The following TXNDC11 variants were observed in gnomAD, a reference collection of about 807,000 sequenced individuals.
TXNDC11 encodes thioredoxin domain containing 11, also known as thioredoxin domain-containing protein 11.
Under a neutral mutation model 78.0 loss-of-function variants are expected in TXNDC11, and 68 were observed. The ratio of observed to expected loss-of-function variants is 0.87; its 90% CI spans 0.72 to 1.07. The LOEUF (loss-of-function observed/expected upper bound fraction) is 1.07. Ranked by LOEUF, TXNDC11 falls within the 50% of genes least tolerant of loss-of-function variation. TXNDC11 has a pLI of 0.00. For missense variants in TXNDC11, 1,389 were observed against 1,221.8 expected (o/e 1.14, Z -2.04); for synonymous variants, 571 against 495.2 (o/e 1.15, Z -2.03).
intron 11 of TXNDC11, among the ~76,000 whole-genome samples, chr16:11,681,947 C>T (rs2050436047): frequency 6.6e-6 from 1 of 152,190 alleles, no homozygotes; most frequent in African/African-American, 2.4e-5. Context: ...ACAAGCAGCA[C>T]CTTCAAATCA....
intron 5 of TXNDC11, among the ~76,000 whole-genome samples, chr16:11,716,319 T>G (rs1813392765): frequency 6.6e-6 from 1 of 152,256 alleles, no homozygotes; most frequent in African/African-American, 2.4e-5. Flanking sequence ...AGAACACATT[T>G]TTACAGCAAA....
chr16:11,735,898 G>A (rs2052205244), intron 2 of TXNDC11, 119 bp downstream of exon 2: 4 of 871,724 alleles, frequency 4.6e-6, no homozygotes, highest in South Asian at 3.0e-5. Context: ...ACTTAGAAAC[G>A]ACTCCTGGAG....
chr16:11,740,051 G>A (rs1162715798), intron 1 of TXNDC11, among the ~76,000 whole-genome samples: 1 of 151,598 alleles, frequency 6.6e-6, no homozygotes, highest in Non-Finnish European at 1.5e-5. Flanking sequence ...AAATCAGCTG[G>A]GCATGGTGGC....
At chr16:11,711,719 G>A (rs1296666606) in intron 5 of TXNDC11, among the ~76,000 whole-genome samples, 1 of 152,202 alleles carries the variant, frequency 6.6e-6, no homozygotes, top group Non-Finnish European at 1.5e-5. Flanking sequence ...GTTCTACTGA[G>A]TAAGAAGCGG....
At chr16:11,704,948 C>A (rs1002265781) in intron 5 of TXNDC11, among the ~76,000 whole-genome samples, 2 of 150,378 alleles carry the variant, frequency 1.3e-5, no homozygotes, top group Admixed American at 1.3e-4. Flanking sequence ...CTTGTTCTGT[C>A]GCCCAGGCTG....
chr16:11,741,743 G>A (rs1329149851), intron 1 of TXNDC11, among the ~76,000 whole-genome samples: 2 of 152,152 alleles, frequency 1.3e-5, no homozygotes, highest in Non-Finnish European at 2.9e-5. Context: ...ATAAATAATC[G>A]TTAGATCAGG....
chr16:11,690,545 T>C (rs2050683970), intron 8 of TXNDC11, among the ~76,000 whole-genome samples: 2 of 152,198 alleles, frequency 1.3e-5, no homozygotes, highest in South Asian at 4.1e-4. Flanking sequence ...CGGCTCTACT[T>C]CCTTCTTCAC....
At chr16:11,713,879 A>ACTGGG (rs2051443091) in intron 5 of TXNDC11, among the ~76,000 whole-genome samples, 1 of 152,102 alleles carries the variant, frequency 6.6e-6, no homozygotes, top group Non-Finnish European at 1.5e-5. Context: ...AACCCATGCC[A>ACTGGG]TTTGCCGAGA....
At chr16:11,706,997 A>C (rs1202721882) in intron 5 of TXNDC11, among the ~76,000 whole-genome samples, 1 of 152,188 alleles carries the variant, frequency 6.6e-6, no homozygotes. Context: ...GCAGGCTCTG[A>C]AGGGCCAACT....
At chr16:11,734,909 C>G (rs1345870564) in intron 2 of TXNDC11, among the ~76,000 whole-genome samples, 1 of 152,168 alleles carries the variant, frequency 6.6e-6, no homozygotes, top group Admixed American at 6.6e-5. Context: ...ACAGTGCATA[C>G]GTAGGGCAGG....
At chr16:11,723,865 A>G (rs899029178) in intron 4 of TXNDC11, among the ~76,000 whole-genome samples, 3 of 152,258 alleles carry the variant, frequency 2.0e-5, no homozygotes, top group Non-Finnish European at 2.9e-5. Context: ...TGTATGCTAA[A>G]TAAGTGTTCT....
intron 5 of TXNDC11, among the ~76,000 whole-genome samples, chr16:11,706,124 T>TC (rs1482345264): frequency 6.6e-6 from 1 of 152,146 alleles, no homozygotes; most frequent in African/African-American, 2.4e-5. Context: ...AAAAAAATTC[T>TC]CCATTAGCCT....
At chr16:11,722,251 C>G (rs185201495) in intron 4 of TXNDC11, among the ~76,000 whole-genome samples, 161 of 152,264 alleles carry the variant, frequency 1.1e-3, no homozygotes, top group African/African-American at 3.7e-3. Flanking sequence ...TCTCCTTTCC[C>G]TCAGATCTGC....
chr16:11,719,823 A>G (rs2051648981), intron 5 of TXNDC11, among the ~76,000 whole-genome samples: 1 of 152,240 alleles, frequency 6.6e-6, no homozygotes, highest in Non-Finnish European at 1.5e-5. Context: ...CTACAAAAAA[A>G]CAACAGGGTA....
chr16:11,691,875 G>A lies in TXNDC11; in HGVS notation c.1315C>T (p.His439Tyr), dbSNP rs748637974. 4 of 1,614,234 alleles carry A rather than the reference G, an allele frequency of 2.5e-6. No homozygotes were observed. Among genetic ancestry groups the A allele is most frequent in the Admixed American group, 3.3e-5 (2 of 60,034 alleles). The change falls in exon 8 of 12, where the codon CAC (histidine) becomes TAC (tyrosine). Residue 439 changes from histidine to tyrosine, a missense_variant. Coordinates refer to ENST00000283033, the MANE Select transcript of TXNDC11 (RefSeq NM_015914.7). ...TTGACACAGAGTTCACAGACGTTGT[G>A]GGTCCTGGAGAAGGAGTGCCACTGG... ...LPQWHSFSRT[H>Y]NVCELCVNQT...
intron 7 of TXNDC11, among the ~76,000 whole-genome samples, chr16:11,695,938 G>A (rs2050846156): frequency 6.6e-6 from 1 of 151,964 alleles, no homozygotes; most frequent in African/African-American, 2.4e-5. Context: ...GGGAGGCTGA[G>A]GTGGGAGGAT....
In TXNDC11 at chr16:11,692,191, G is replaced by A. The variant is rs1021496777; in HGVS notation, c.1108-109C>T. The stretch of plus-strand genomic sequence containing the variant: ...TTTCAGTTATCCATGGTCAACTCCG[G>A]TTCAAAAATACTAAATGGAAAATTC... On this transcript the variant is annotated intron_variant, in intron 7 of 11. Coordinates refer to ENST00000283033, the MANE Select transcript of TXNDC11 (RefSeq NM_015914.7). 4.8e-6 allele frequency: 4 copies of A among 825,104 alleles called. No individual in the cohort carries two copies. The East Asian group carries it at 8.1e-5, about 17-fold the overall frequency. The allele number at this position is 825,104 out of a possible 1,614,324, so 51.1% of individuals were successfully genotyped here.
rs764024378 is a variant in TXNDC11 at position 11,691,840 on chromosome 16, G to A, written c.1350C>T (p.Ser450=). ...TGACCGAGCTCGGCTTCATGCCCCC[G>A]GAGGTCTGGTTGACACAGAGTTCAC... ...NVCELCVNQT[S]GGMKPSSVSV... is the part of the protein sequence containing the mutation. The change falls in exon 8 of 12, where the codon TCC becomes TCT. Residue 450 remains serine, a synonymous_variant. Coordinates refer to ENST00000283033, the MANE Select transcript of TXNDC11 (RefSeq NM_015914.7). 1.7e-5 allele frequency: 28 copies of A among 1,614,132 alleles called. No homozygotes were observed. The highest frequency in any genetic ancestry group is 9.3e-5 in the African/African-American group (7 of 74,942).
intron 5 of TXNDC11, among the ~76,000 whole-genome samples, chr16:11,702,066 A>G (rs72782703): frequency 0.046 from 6,279 of 137,180 alleles, 203 homozygotes; most frequent in Non-Finnish European, 0.06. Flanking sequence ...ATGTGTGTGT[A>G]TGTGTGTGTG....
Sources: gnomAD v4.1 joint callset for allele counts (sites outside exome capture counted in the v4.1 genomes callset) on GRCh38, gnomAD v4.1.1 for gene constraint, MANE v1.5 for transcripts, NCBI Gene and HGNC (gene_info 2026-07-23, HGNC 2026-07-21) for gene names.